Variants in SYNE1 observed in about 807,000 individuals in gnomAD.
The protein encoded by SYNE1 is spectrin repeat containing nuclear envelope protein 1.
Under a neutral mutation model 1,111.0 loss-of-function variants are expected in SYNE1, and 616 were observed. The observed-to-expected ratio is 0.55, with a 90% CI of 0.52 to 0.59. The LOEUF (loss-of-function observed/expected upper bound fraction) is 0.59. Ranked by LOEUF, SYNE1 falls within the 20% of genes least tolerant of loss-of-function variation. The pLI is 0.00. For missense variants in SYNE1, 10,006 were observed against 10,417.0 expected, an observed-to-expected ratio of 0.96 and a Z score of 1.72; for synonymous variants, 3,855 against 3,825.8, an observed-to-expected ratio of 1.01 and a Z score of -0.28.
intron 3 of SYNE1, among the ~76,000 whole-genome samples, chr6:152,601,387 C>T (rs2099595683): frequency 6.6e-6 from 1 of 151,984 alleles, no homozygotes; most frequent in Non-Finnish European, 1.5e-5. Context: ...ATATTTTAGG[C>T]AAACCAAAGA....
intron 138 of SYNE1, among the ~76,000 whole-genome samples, chr6:152,142,429 G>T (rs2747659): frequency 0.36 from 54,846 of 152,038 alleles, 10,938 homozygotes; most frequent in African/African-American, 0.52. Context: ...AAAGCCAGCT[G>T]TTTTATAAAA....
At chr6:152,539,895 C>A in intron 4 of SYNE1, 65 bp downstream of exon 4, 1 of 1,518,400 alleles carries the variant, frequency 6.6e-7, no homozygotes, top group Non-Finnish European at 9.1e-7. Flanking sequence ...TTTTGTTATA[C>A]TGGACATTTA....
intron 2 of SYNE1, among the ~76,000 whole-genome samples, chr6:152,633,992 T>C (rs556863355): frequency 6.6e-6 from 1 of 152,390 alleles, no homozygotes; most frequent in African/African-American, 2.4e-5. Flanking sequence ...CTTCTTAACA[T>C]CACTCCCTGT....
At chr6:152,632,364 C>T (rs995215693) in intron 2 of SYNE1, among the ~76,000 whole-genome samples, 11 of 152,176 alleles carry the variant, frequency 7.2e-5, no homozygotes, top group Non-Finnish European at 1.3e-4. Context: ...ATTTTGCTTT[C>T]ATCATTCACA....
chr6:152,234,042 TGA>T, intron 111 of SYNE1, 79 bp from the exon 112 acceptor site: 1 of 1,438,028 alleles, frequency 7.0e-7, no homozygotes, highest in Non-Finnish European at 9.6e-7. Context: ...ATTTAGTGCA[TGA>T]AACAATTTCC....
intron 95 of SYNE1, among the ~76,000 whole-genome samples, chr6:152,288,328 T>C (rs1239151873): frequency 1.3e-5 from 2 of 152,202 alleles, no homozygotes; most frequent in Non-Finnish European, 2.9e-5. Flanking sequence ...TAACCTACTT[T>C]CCACTAACTG....
chr6:152,368,313 A>T (rs1591271531), intron 61 of SYNE1: 1 of 153,030 alleles, frequency 6.5e-6, no homozygotes, highest in South Asian at 2.1e-4. Context: ...CTACGTTACC[A>T]TCTACGTCAA....
At position 152,238,900 on chromosome 6, in the gene SYNE1, A is replaced by AT. The variant is rs113859424; in HGVS notation, c.20067+632dup. ...AAAAATATTTCTACATTTTACTTTC[A>AT]TTTTTTTTTTTTTTTGAGACAGAGT... is the stretch of plus-strand genomic sequence containing the variant. On this transcript the variant is annotated intron_variant, in intron 108 of 145. Transcript: ENST00000367255. Among the ~76,000 whole-genome samples, 493 of 140,662 alleles carry AT rather than the reference A, an allele frequency of 3.5e-3. 4 individuals carry two copies. Among genetic ancestry groups the AT allele is most frequent in the East Asian group, 9.3e-3 (45 of 4,838 alleles). The allele number at this position is 140,662 out of a possible 152,430, so 92.3% of individuals were successfully genotyped here. A position where few individuals can be genotyped will look rare whatever the true frequency, so the allele number is the denominator to read the frequency against.
At chr6:152,487,115 A>G (rs2098945196) in intron 12 of SYNE1, among the ~76,000 whole-genome samples, 1 of 152,186 alleles carries the variant, frequency 6.6e-6, no homozygotes, top group Admixed American at 6.5e-5. Flanking sequence ...ATAGGTAATC[A>G]TGTGCCATGG....
At chr6:152,219,758 A>T (rs1168926056) in intron 119 of SYNE1, among the ~76,000 whole-genome samples, 1 of 152,208 alleles carries the variant, frequency 6.6e-6, no homozygotes, top group Non-Finnish European at 1.5e-5. Flanking sequence ...GGGTGAGAGT[A>T]GCCTGTATTC....
chr6:152,416,619 C>T lies in SYNE1; in HGVS notation c.5818G>A (p.Gly1940Arg), dbSNP rs1156741896. ...LSKAQYHLKI[G>R]SSEQRTSCRA... ...CAGGAAGTCCTTTGCTCAGAGCTCC[C>T]GATTTTCAGATGGTATTGGGCTTTG... is the stretch of plus-strand genomic sequence containing the variant. Residue 1940 changes from glycine (G) to arginine (R), a missense_variant, in exon 41 of 146, where the codon GGG (glycine) becomes AGG (arginine). By Grantham distance (125) the Gly-to-Arg change is moderately radical (BLOSUM62 -2). Transcript: ENST00000367255. 21 of 1,613,980 alleles carry T rather than the reference C, an allele frequency of 1.3e-5. No individual in the cohort carries two copies. In the African/African-American group the frequency reaches 2.5e-4, roughly 20 times the overall value.
intron 3 of SYNE1, among the ~76,000 whole-genome samples, chr6:152,573,001 C>T (rs377125812): frequency 1.3e-5 from 2 of 152,098 alleles, no homozygotes; most frequent in South Asian, 4.1e-4. Flanking sequence ...ATTTGACATT[C>T]ACACCTCATT....
chr6:152,492,436 C>T (rs2098975852), intron 11 of SYNE1, among the ~76,000 whole-genome samples: 1 of 152,210 alleles, frequency 6.6e-6, no homozygotes, highest in Admixed American at 6.5e-5. Flanking sequence ...ATACCTAAAC[C>T]ACAGTGGCCA....
chr6:152,129,629 A>T (rs2054797891), intron 145 of SYNE1: 1 of 151,968 alleles, frequency 6.6e-6, no homozygotes, highest in Non-Finnish European at 1.5e-5. Context: ...AAAACAGTAC[A>T]GGGAGGTCTA....
chr6:152,408,971 A>AG (rs1025576914), intron 44 of SYNE1, 97 bp downstream of exon 44: 4 of 1,284,602 alleles, frequency 3.1e-6, no homozygotes, highest in Non-Finnish European at 4.4e-6. Flanking sequence ...AAAAAAAAAA[A>AG]GTGAAATTCA....
chr6:152,616,398 C>A (rs769089289), intron 3 of SYNE1, among the ~76,000 whole-genome samples: 32 of 152,058 alleles, frequency 2.1e-4, no homozygotes, highest in Non-Finnish European at 3.5e-4. Context: ...CATAGTGAGA[C>A]CTCGTCTCTA....
intron 48 of SYNE1, 114 bp downstream of exon 48, chr6:152,399,502 G>A: frequency 2.4e-6 from 3 of 1,271,492 alleles, no homozygotes; most frequent in Non-Finnish European, 3.4e-6. Flanking sequence ...AAACAAATTT[G>A]AAATGACACC....
chr6:152,558,954 A>G (rs1257226002), intron 3 of SYNE1, among the ~76,000 whole-genome samples: 1 of 151,536 alleles, frequency 6.6e-6, no homozygotes, highest in Non-Finnish European at 1.5e-5. Context: ...TAGACCACAA[A>G]ACAAGTCTTA....
chr6:152,169,879 G>C (rs982740920), intron 130 of SYNE1, among the ~76,000 whole-genome samples: 1 of 151,720 alleles, frequency 6.6e-6, no homozygotes, highest in African/African-American at 2.4e-5. Flanking sequence ...TAAAGATATT[G>C]TACTGTGAAT....
Sources: gnomAD v4.1 joint callset for allele counts (sites outside exome capture counted in the v4.1 genomes callset) on GRCh38, gnomAD v4.1.1 for gene constraint, MANE v1.5 for transcripts, NCBI Gene and HGNC (gene_info 2026-07-23, HGNC 2026-07-21) for gene names.